Variants in RSPO2 observed in about 807,000 individuals in gnomAD.
RSPO2 encodes R-spondin 2, also known as R-spondin-2.
A neutral mutation model predicts 30.9 loss-of-function variants in RSPO2; 14 were observed. The ratio of observed to expected loss-of-function variants is 0.45; its 90% CI spans 0.30 to 0.71. The LOEUF is 0.71. RSPO2 is among the 30% of genes least tolerant of loss of function. RSPO2 has a pLI of 0.08. For synonymous variants in RSPO2, 107 were observed against 96.4 expected (o/e 1.11, Z -0.64); for missense variants, 264 against 301.9 (o/e 0.87, Z 0.93).
intron 5 of RSPO2, among the ~76,000 whole-genome samples, chr8:107,922,515 C>T (rs1812206871): frequency 6.6e-6 from 1 of 152,142 alleles, no homozygotes; most frequent in African/African-American, 2.4e-5. Flanking sequence ...AATGGCCATA[C>T]TGTCCAAATC....
chr8:108,026,266 G>T (rs769465033), intron 2 of RSPO2, among the ~76,000 whole-genome samples: 7 of 152,124 alleles, frequency 4.6e-5, no homozygotes, highest in Non-Finnish European at 1.0e-4. Flanking sequence ...TGAAGAATTG[G>T]TCCAAATTAA....
At chr8:107,939,378 G>T (rs776378106) in intron 5 of RSPO2, among the ~76,000 whole-genome samples, 8 of 151,350 alleles carry the variant, frequency 5.3e-5, no homozygotes, top group Non-Finnish European at 1.0e-4. Context: ...GAGAGAACAA[G>T]CGAAAAAATA....
intron 2 of RSPO2, among the ~76,000 whole-genome samples, chr8:108,003,692 C>T (rs540340296): frequency 2.6e-5 from 4 of 151,844 alleles, no homozygotes; most frequent in African/African-American, 4.8e-5. Context: ...AAATTAACCC[C>T]GGGGAACATG....
chr8:108,042,919 T>C (rs961862762), intron 2 of RSPO2, among the ~76,000 whole-genome samples: 2 of 152,120 alleles, frequency 1.3e-5, no homozygotes, highest in Non-Finnish European at 2.9e-5. Flanking sequence ...CTTTAACCCC[T>C]TGCCTATGAG....
chr8:107,960,022 G>C (rs1324759429), intron 4 of RSPO2, among the ~76,000 whole-genome samples: 1 of 152,068 alleles, frequency 6.6e-6, no homozygotes, highest in Non-Finnish European at 1.5e-5. Context: ...TAGATTAAGA[G>C]ATTCATCATA....
chr8:108,040,185 C>T (rs914341066), intron 2 of RSPO2, among the ~76,000 whole-genome samples: 1 of 152,052 alleles, frequency 6.6e-6, no homozygotes, highest in African/African-American at 2.4e-5. Context: ...CTAGAAGGCT[C>T]TGAGAAATAG....
intron 2 of RSPO2, among the ~76,000 whole-genome samples, chr8:108,031,963 G>A (rs967924343): frequency 1.3e-5 from 2 of 152,152 alleles, no homozygotes; most frequent in Non-Finnish European, 2.9e-5. Context: ...GAGAACAGTA[G>A]GGGGCAGAGG....
At chr8:108,038,870 A>G (rs1036319076) in intron 2 of RSPO2, among the ~76,000 whole-genome samples, 3 of 152,206 alleles carry the variant, frequency 2.0e-5, no homozygotes, top group African/African-American at 7.2e-5. Flanking sequence ...ATATGCACGA[A>G]GAAACCAAAA....
At chr8:108,049,438 C>G (rs907252410) in intron 2 of RSPO2, among the ~76,000 whole-genome samples, 1 of 151,518 alleles carries the variant, frequency 6.6e-6, no homozygotes, top group Non-Finnish European at 1.5e-5. Flanking sequence ...GCAGAACATG[C>G]AGGTTTGTTA....
At position 107,975,765 on chromosome 8, in the gene RSPO2, TCAATTGA is replaced by T. The variant is rs376023725; in HGVS notation, c.283+13284_283+13290del. Reference sequence around the variant, plus strand: ...TTTATATAATCTCCCAAAACTAAAATCAATTGACAATTGTGAGATTTTCTAGATATAC... The same window carrying T: ...TTTATATAATCTCCCAAAACTAAAATCAATTGTGAGATTTTCTAGATATAC... On this transcript the variant is annotated intron_variant, in intron 3 of 5. Transcript: ENST00000276659. Among the ~76,000 whole-genome samples, 136 of 152,276 alleles carry T rather than the reference TCAATTGA, an allele frequency of 8.9e-4. 1 individual carries two copies. The highest frequency in any genetic ancestry group is 3.2e-3 in the African/African-American group (132 of 41,552).
At chr8:108,071,167 CT>C (rs1027480583) in intron 2 of RSPO2, among the ~76,000 whole-genome samples, 2 of 152,162 alleles carry the variant, frequency 1.3e-5, no homozygotes, top group African/African-American at 4.8e-5. Flanking sequence ...ACTAATTCCC[CT>C]CTGCATAGAG....
intron 5 of RSPO2, among the ~76,000 whole-genome samples, chr8:107,927,397 C>T (rs1373010540): frequency 2.0e-5 from 3 of 152,022 alleles, no homozygotes; most frequent in African/African-American, 7.2e-5. Flanking sequence ...TTTCTTTCTC[C>T]TGCCTGATTG....
chr8:107,908,477 G>A (rs935986258), intron 5 of RSPO2, among the ~76,000 whole-genome samples: 34 of 152,220 alleles, frequency 2.2e-4, no homozygotes, highest in African/African-American at 7.7e-4. Flanking sequence ...AGTAAAATAC[G>A]ACTCTACTAT....
Position 108,065,190 on chromosome 8 carries a change from A to G in RSPO2, c.94+17355T>C, listed in dbSNP as rs539494662. 4.9e-4 allele frequency among the ~76,000 whole-genome samples: 74 copies of G among 151,856 alleles called. No individual in the cohort carries two copies. The Middle Eastern group carries it at 0.014, about 28-fold the overall frequency. ...TATAAGTTAAAAAAAAAAGAGTACTACAACACCTAGATGACGTGTTAATAG... is the reference window on the plus strand; with the variant it reads ...TATAAGTTAAAAAAAAAAGAGTACTGCAACACCTAGATGACGTGTTAATAG... On this transcript the variant is annotated intron_variant, in intron 2 of 5. Coordinates refer to ENST00000276659, the MANE Select transcript of RSPO2 (RefSeq NM_178565.5).
At chr8:108,017,985 G>T (rs1408895438) in intron 2 of RSPO2, among the ~76,000 whole-genome samples, 1 of 152,074 alleles carries the variant, frequency 6.6e-6, no homozygotes, top group African/African-American at 2.4e-5. Context: ...AAATTTGAAG[G>T]CTCAGTCTAC....
chr8:107,956,275 T>G (rs1404269361), intron 5 of RSPO2, among the ~76,000 whole-genome samples: 1 of 152,344 alleles, frequency 6.6e-6, no homozygotes, highest in Non-Finnish European at 1.5e-5. Context: ...TATATAAAAT[T>G]GATTTTATTA....
At chr8:107,982,874 T>C (rs1032137209) in intron 3 of RSPO2, among the ~76,000 whole-genome samples, 2 of 152,212 alleles carry the variant, frequency 1.3e-5, no homozygotes, top group Non-Finnish European at 2.9e-5. Context: ...TTTTCCTTGC[T>C]TTCTGTTAAA....
At chr8:108,030,085 A>G (rs1468568894) in intron 2 of RSPO2, among the ~76,000 whole-genome samples, 1 of 145,418 alleles carries the variant, frequency 6.9e-6, no homozygotes, top group Non-Finnish European at 1.5e-5. Flanking sequence ...GGTTGTAGAG[A>G]GAAGTTTTGA....
At chr8:107,971,321 T>C (rs1235227892) in intron 3 of RSPO2, among the ~76,000 whole-genome samples, 1 of 152,162 alleles carries the variant, frequency 6.6e-6, no homozygotes, top group East Asian at 1.9e-4. Context: ...TTACTAAAAA[T>C]AAAAGTAAAA....
Sources: allele counts gnomAD v4.1 joint callset (sites outside exome capture counted in the v4.1 genomes callset), GRCh38; gene constraint gnomAD v4.1.1; transcripts MANE v1.5; gene names NCBI Gene and HGNC (gene_info 2026-07-23, HGNC 2026-07-21).